The following APOB variants were observed in gnomAD, a reference collection of about 807,000 sequenced individuals.
The protein encoded by APOB is apolipoprotein B-100.
A neutral mutation model predicts 314.1 loss-of-function variants in APOB; 153 were observed. That is an observed-to-expected ratio of 0.49 (90% CI 0.43 to 0.56). APOB has a LOEUF of 0.56. Ranked by LOEUF, APOB falls within the 20% of genes least tolerant of loss-of-function variation. APOB has a pLI of 0.00. For synonymous variants in APOB, 2,087 were observed against 2,036.4 expected (o/e 1.02, Z -0.67); for missense variants, 5,430 against 5,350.7 (o/e 1.01, Z -0.46).
chr2:21,028,164 G>T, intron 13 of APOB, 99 bp from the exon 14 acceptor site: 4 of 1,177,058 alleles, frequency 3.4e-6, no homozygotes, highest in South Asian at 1.2e-5. Flanking sequence ...CTACCAAAAT[G>T]TCTTGATTTC....
rs1190411827 is a variant in APOB, at chr2:21,001,546, C to G, written c.*184G>C. On this transcript the variant is annotated 3_prime_UTR_variant, in exon 29 of 29. Transcript: ENST00000233242. ...ATGCCATCCTTCTGAGTTCAGAGAC[C>G]TTCCGAGCCCTGGTGCCAGCTTTGG... 5.1e-6 allele frequency: 3 copies of G among 593,762 alleles called. No homozygotes were observed. Among genetic ancestry groups the G allele is most frequent in the Non-Finnish European group, 8.7e-6 (3 of 343,872 alleles). The allele number at this position is 593,762 out of a possible 1,614,324, so 36.8% of individuals were successfully genotyped here.
At chr2:21,016,760 A>G (rs368623677) in intron 20 of APOB, 111 bp from the exon 21 acceptor site, 370 of 740,144 alleles carry the variant, frequency 5.0e-4, no homozygotes, top group Middle Eastern at 1.0e-3. Context: ...CAAGGCGGGC[A>G]GATCATGAGG....
chr2:21,036,417 G>A (rs776034626), intron 6 of APOB, among the ~76,000 whole-genome samples: 2 of 152,178 alleles, frequency 1.3e-5, no homozygotes, highest in Non-Finnish European at 2.9e-5. Flanking sequence ...CAGGAACAGC[G>A]CCCAGCATGA....
At position 21,022,961 on chromosome 2, in the gene APOB, T is replaced by C. The variant is rs1663651180; in HGVS notation, c.2686A>G (p.Arg896Gly). 3 of 1,614,176 alleles carry C rather than the reference T, an allele frequency of 1.9e-6. No homozygotes were observed. Among genetic ancestry groups the C allele is most frequent in the Non-Finnish European group, 8.5e-7 (1 of 1,180,028 alleles). The change falls in exon 18 of 29, where the codon AGG (arginine) becomes GGG (glycine). Residue 896 changes from arginine to glycine, a missense_variant. Physicochemically the swap from Arg to Gly is moderately radical, Grantham distance 125. This residue lies in a region of APOB where 2,085 missense variants were observed against 2,079.7 expected (regional missense o/e 1.00). Transcript: ENST00000233242. Reference sequence around the variant, plus strand: ...TTGGTGTTCATCTGGACCCCACTCCTAGCGAAGTCCGGAATGATGATGCCC... The same window carrying C: ...TTGGTGTTCATCTGGACCCCACTCCCAGCGAAGTCCGGAATGATGATGCCC... Reference protein sequence around the residue: ...NMGIIIPDFARSGVQMNTNFF... With the variant: ...NMGIIIPDFAGSGVQMNTNFF...
In APOB at chr2:21,019,026, C is replaced by T; in HGVS notation, c.3087G>A (p.Leu1029=). Residue 1029 remains leucine, a synonymous_variant, in exon 20 of 29, where the codon TTG becomes TTA. Coordinates refer to ENST00000233242, the MANE Select transcript of APOB (RefSeq NM_000384.3). The part of the protein sequence containing the change: ...TYELQREDRA[L]VDTLKFVTQA... ...GAGTTACAAACTTCAGGGTATCCACCAAGGCTCTGTCCTCTCTCTGGAGCT... is the reference window on the plus strand; with the variant it reads ...GAGTTACAAACTTCAGGGTATCCACTAAGGCTCTGTCCTCTCTCTGGAGCT... 6.2e-7 allele frequency: 1 copy of T among 1,613,978 alleles called. No individual in the cohort carries two copies. The highest frequency in any genetic ancestry group is 8.5e-7 in the Non-Finnish European group (1 of 1,180,000).
rs61743512 is a variant in APOB, at chr2:21,005,326, C to T, written c.11542G>A (p.Ala3848Thr). 162 of 1,613,888 alleles carry T rather than the reference C, an allele frequency of 1.0e-4. 1 individual carries two copies. Among genetic ancestry groups the T allele is most frequent in the Non-Finnish European group, 7.2e-5 (85 of 1,179,962 alleles). The part of the protein sequence containing the change: ...LDLNAVANKI[A>T]DFELPTIIVP... ...ATGATGGTGGGCAACTCAAAGTCTG[C>T]GATCTTGTTGGCTACTGCATTTAGA... is the stretch of plus-strand genomic sequence containing the variant. The change falls in exon 26 of 29, where the codon GCA (alanine) becomes ACA (threonine). Residue 3848 changes from alanine to threonine, a missense_variant. Physicochemically the swap from Ala to Thr is moderately conservative, Grantham distance 58. Around this residue, in one of 3 missense-constraint regions of APOB, gnomAD observed 3,281 missense variants for 3,171.0 expected, o/e 1.03. Transcript: ENST00000233242.
chr2:21,006,671 C>G lies in APOB; in HGVS notation c.10197G>C (p.Leu3399=). 1 of 1,614,092 alleles carries G rather than the reference C, an allele frequency of 6.2e-7. No homozygotes were observed. The highest frequency in any genetic ancestry group is 8.5e-7 in the Non-Finnish European group (1 of 1,179,984). ...CCTCCACAAATTTGTTGCTCAGAGACAGAGCTGTGGCTAACTTCAATCCCC... is the reference window on the plus strand; with the variant it reads ...CCTCCACAAATTTGTTGCTCAGAGAGAGAGCTGTGGCTAACTTCAATCCCC... ...RKRGLKLATA[L]SLSNKFVEGS... Residue 3399 remains leucine (L), a synonymous_variant, in exon 26 of 29, where the codon CTG becomes CTC. Transcript: ENST00000233242.
chr2:21,042,552 G>A (rs925359502), intron 2 of APOB, 76 bp from the exon 3 acceptor site: 1 of 1,007,692 alleles, frequency 9.9e-7, no homozygotes, highest in African/African-American at 1.6e-5. Flanking sequence ...GGCAGAGAGG[G>A]GCAGTGGCAT....
intron 18 of APOB, among the ~76,000 whole-genome samples, chr2:21,022,139 A>G (rs1022425602): frequency 6.6e-6 from 1 of 151,670 alleles, no homozygotes; most frequent in Non-Finnish European, 1.5e-5. Context: ...TATTTATTTA[A>G]TTTTTTTTGT....
At position 21,018,964 on chromosome 2, in the gene APOB, A is replaced by G. The variant is rs553429515; in HGVS notation, c.3121+28T>C. On this transcript the variant is annotated intron_variant, in intron 20 of 28. Transcript: ENST00000233242. ...TCTGAACCTGAGACTGCGAGCAGAG[A>G]TGAGGCAGCTGTGTTTTGAATACTC... is the stretch of plus-strand genomic sequence containing the variant. 1.2e-5 allele frequency: 20 copies of G among 1,613,824 alleles called. No homozygotes were observed. In the East Asian group the frequency reaches 4.2e-4, roughly 34 times the overall value.
At position 21,019,899 on chromosome 2, in the gene APOB, T is replaced by C. The variant is rs200868559; in HGVS notation, c.2823A>G (p.Thr941=). The C allele has an allele frequency of 1.2e-3, 1,921 of 1,614,194 alleles. 41 individuals carry two copies. In the South Asian group the frequency reaches 0.018, roughly 15 times the overall value. ...TTTTGGTGGTAGAGACCAAATGTAA[T>C]GTGTTGCTGGTGAAGAACAAAAATA... ...RPVKLLSGGN[T]LHLVSTTKTE... The change falls in exon 19 of 29, where the codon ACA becomes ACG. Residue 941 remains threonine, a synonymous_variant. Transcript: ENST00000233242.
chr2:21,027,035 T>C (rs1663747004), intron 14 of APOB, 71 bp from the exon 15 acceptor site: 3 of 1,379,332 alleles, frequency 2.2e-6, no homozygotes, highest in Non-Finnish European at 3.1e-6. Flanking sequence ...TAGTCCCCAC[T>C]CTTGATGTCC....
chr2:21,004,979 G>T, intron 26 of APOB, 101 bp downstream of exon 26: 1 of 1,491,174 alleles, frequency 6.7e-7, no homozygotes, highest in Non-Finnish European at 9.2e-7. Flanking sequence ...TTGTGACATT[G>T]AGTAATTGTA....
chr2:21,039,933 T>C (rs903306649), intron 4 of APOB, among the ~76,000 whole-genome samples: 1 of 152,096 alleles, frequency 6.6e-6, no homozygotes, highest in Admixed American at 6.5e-5. Context: ...AACTGAAAAA[T>C]GGGCAAGGAT....
chr2:21,015,195 T>G lies in APOB; in HGVS notation c.3574A>C (p.Asn1192His). 6.2e-7 allele frequency: 1 copy of G among 1,614,184 alleles called. No homozygotes were observed. The highest frequency in any genetic ancestry group is 8.5e-7 in the Non-Finnish European group (1 of 1,180,020). The change falls in exon 23 of 29, where the codon AAT becomes CAT. Residue 1192 changes from asparagine to histidine, a missense_variant. Asn to His is a moderately conservative substitution (Grantham distance 68). This residue lies in a region of APOB where 2,085 missense variants were observed against 2,079.7 expected (regional missense o/e 1.00). Coordinates refer to ENST00000233242, the MANE Select transcript of APOB (RefSeq NM_000384.3). ...TAATCGGAGAGATCCACAGGGAAATTGGAAGTCATTTTTTTGGTATCTACA... is the reference window on the plus strand; with the variant it reads ...TAATCGGAGAGATCCACAGGGAAATGGGAAGTCATTTTTTTGGTATCTACA... ...TNVDTKKMTS[N>H]FPVDLSDYPK...
intron 18 of APOB, among the ~76,000 whole-genome samples, chr2:21,021,421 C>A (rs1344596804): frequency 1.3e-5 from 2 of 152,150 alleles, no homozygotes; most frequent in Non-Finnish European, 2.9e-5. Context: ...CCAGCTGTGC[C>A]TCCTTCTCAC....
At position 21,005,180 on chromosome 2, in the gene APOB, G is replaced by A. The variant is rs1258080310; in HGVS notation, c.11688C>T (p.Ala3896=). 4.3e-6 allele frequency: 7 copies of A among 1,614,038 alleles called. No homozygotes were observed. The highest frequency in any genetic ancestry group is 5.9e-6 in the Non-Finnish European group (7 of 1,179,944). The change falls in exon 26 of 29, where the codon GCC becomes GCT. Residue 3896 remains alanine, a synonymous_variant. Transcript: ENST00000233242. The part of the protein sequence containing the change: ...RFEVDSPVYN[A]TWSASLKNKA... ...TGTTTTTCAAACTGGCACTCCAAGT[G>A]GCATTATACACGGGAGAGTCTACCT...
At chr2:21,021,647 A>G (rs1663608497) in intron 18 of APOB, among the ~76,000 whole-genome samples, 2 of 151,728 alleles carry the variant, frequency 1.3e-5, no homozygotes, top group African/African-American at 4.8e-5. Flanking sequence ...ATATTCCTTT[A>G]CCTTCAGGCC....
At chr2:21,021,614 C>T (rs1181868836) in intron 18 of APOB, among the ~76,000 whole-genome samples, 1 of 152,220 alleles carries the variant, frequency 6.6e-6, no homozygotes, top group African/African-American at 2.4e-5. Context: ...TACCATTCTG[C>T]ACTTCTTCCA....
Sources: gnomAD v4.1 joint callset for allele counts (sites outside exome capture counted in the v4.1 genomes callset) on GRCh38, gnomAD v4.1.1 for gene constraint, gnomAD v4.1.1 regional missense constraint, MANE v1.5 for transcripts, NCBI Gene and HGNC (gene_info 2026-07-23, HGNC 2026-07-21) for gene names.